The following P4HA2 variants were observed in gnomAD, a reference collection of about 807,000 sequenced individuals.
P4HA2 encodes the protein prolyl 4-hydroxylase subunit alpha-2.
In P4HA2, 46 loss-of-function variants were observed where a neutral mutation model predicts 76.9. That is an observed-to-expected ratio of 0.60 (90% CI 0.47 to 0.76). P4HA2 has a LOEUF of 0.76. P4HA2 is among the 30% of genes least tolerant of loss of function. The pLI is 0.00. For missense variants in P4HA2, 583 were observed against 669.4 expected (o/e 0.87, Z 1.42); for synonymous variants, 243 against 254.0 (o/e 0.96, Z 0.41).
chr5:132,223,751 C>T (rs1159548026), intron 1 of P4HA2, among the ~76,000 whole-genome samples: 2 of 152,182 alleles, frequency 1.3e-5, no homozygotes, highest in African/African-American at 4.8e-5. Context: ...AGATAACTAC[C>T]TCCATTTCAG....
rs1199433283 is a variant in P4HA2, at chr5:132,190,574, T to TA, written c.*2435dup. The stretch of plus-strand genomic sequence containing the variant: ...ATTAAAAGTAGAACTTTACACTTCA[T>TA]ACCACGTATAAAGATAAACCTAAAT... On this transcript the variant is annotated 3_prime_UTR_variant, in exon 15 of 15. Transcript: ENST00000360568. 6.6e-6 allele frequency among the ~76,000 whole-genome samples: 1 copy of TA among 152,234 alleles called. No individual in the cohort carries two copies. The highest frequency in any genetic ancestry group is 1.5e-5 in the Non-Finnish European group (1 of 68,044).
chr5:132,191,279 G>A lies in P4HA2; in HGVS notation c.*1731C>T, dbSNP rs577900093. On this transcript the variant is annotated 3_prime_UTR_variant, in exon 15 of 15. Transcript: ENST00000360568. ...TGTAATCCCAGCACTTTGGGAGGCC[G>A]AGGCGGGCGGATCACGAGGTCAGGA... Among the ~76,000 whole-genome samples, 526 of 152,194 alleles carry A rather than the reference G, an allele frequency of 3.5e-3. 4 individuals carry two copies. Among genetic ancestry groups the A allele is most frequent in the African/African-American group, 0.012 (498 of 41,532 alleles).
intron 8 of P4HA2, 58 bp downstream of exon 8, chr5:132,207,650 A>G: frequency 6.8e-7 from 1 of 1,470,590 alleles, no homozygotes; most frequent in Non-Finnish European, 9.5e-7. Context: ...AGTGCTAGGG[A>G]TGAGAAAAAG....
At chr5:132,212,016 C>T (rs773948034) in intron 5 of P4HA2, among the ~76,000 whole-genome samples, 1 of 152,160 alleles carries the variant, frequency 6.6e-6, no homozygotes, top group Non-Finnish European at 1.5e-5. Flanking sequence ...AGAGCCAACT[C>T]GAATGTCTAC....
intron 5 of P4HA2, among the ~76,000 whole-genome samples, chr5:132,212,439 G>C (rs1012164020): frequency 1.3e-5 from 2 of 152,028 alleles, no homozygotes; most frequent in African/African-American, 4.8e-5. Context: ...GAAGGAGGTA[G>C]AATCCATAGG....
At chr5:132,221,748 G>A in intron 1 of P4HA2, among the ~76,000 whole-genome samples, 1 of 152,132 alleles carries the variant, frequency 6.6e-6, no homozygotes. Context: ...TTTATCATAT[G>A]CTTAAAATGT....
Position 132,193,003 on chromosome 5 carries a change from A to G in P4HA2, c.*7T>C. The G allele has an allele frequency of 6.3e-7, 1 of 1,590,912 alleles. No individual in the cohort carries two copies. The highest frequency in any genetic ancestry group is 8.6e-7 in the Non-Finnish European group (1 of 1,158,836). ...AGGACCAGGAAGGGGAAGGACAGAA[A>G]AGGATGTCAGTCAACTTCTGTTGAT... is the stretch of plus-strand genomic sequence containing the variant. On this transcript the variant is annotated 3_prime_UTR_variant, in exon 15 of 15. Transcript: ENST00000360568.
intron 7 of P4HA2, among the ~76,000 whole-genome samples, chr5:132,208,523 C>G (rs1752576140): frequency 6.6e-6 from 1 of 150,960 alleles, no homozygotes; most frequent in Non-Finnish European, 1.5e-5. Context: ...TGCAATTTTT[C>G]TTCTCTCCCA....
chr5:132,195,395 C>G lies in P4HA2; in HGVS notation c.1434+17G>C, dbSNP rs202049113. On this transcript the variant is annotated intron_variant, in intron 13 of 14. Transcript: ENST00000360568. ...GAGCCTTGCTTCAACCTCTGACCCA[C>G]AAGAATCAGAACTTACCTTCTTAGG... 14 of 1,584,460 alleles carry G rather than the reference C, an allele frequency of 8.8e-6. No individual in the cohort carries two copies. The highest frequency in any genetic ancestry group is 1.2e-5 in the Non-Finnish European group (14 of 1,152,932).
chr5:132,220,594 A>G (rs1754528088), intron 1 of P4HA2, among the ~76,000 whole-genome samples: 2 of 152,192 alleles, frequency 1.3e-5, no homozygotes, highest in Non-Finnish European at 2.9e-5. Flanking sequence ...TTCCTTTCAA[A>G]TCATTCTGCT....
rs540589756 is a variant in P4HA2 at position 132,216,155 on chromosome 5, T to C, written c.331+1042A>G. 7.0e-3 allele frequency among the ~76,000 whole-genome samples: 636 copies of C among 91,308 alleles called. 6 individuals carry two copies. The highest frequency in any genetic ancestry group is 0.027 in the African/African-American group (602 of 22,054). 59.9% of individuals were successfully genotyped at this position (91,308 alleles called of 152,430 possible). A position where few individuals can be genotyped will look rare whatever the true frequency, so the allele number is the denominator to read the frequency against. On this transcript the variant is annotated intron_variant, in intron 4 of 14. Coordinates refer to ENST00000360568, the MANE Select transcript of P4HA2 (RefSeq NM_001017974.2). ...CTCCAGCCTGGTGACAGAGTGAGACTCAGTCTCAAAAAAAAAAAAAAAAAA... is the reference window on the plus strand; with the variant it reads ...CTCCAGCCTGGTGACAGAGTGAGACCCAGTCTCAAAAAAAAAAAAAAAAAA...
chr5:132,214,300 C>G (rs1406916985), intron 4 of P4HA2, among the ~76,000 whole-genome samples: 1 of 152,106 alleles, frequency 6.6e-6, no homozygotes, highest in Non-Finnish European at 1.5e-5. Flanking sequence ...TAGAAGCAGC[C>G]CCCCATATTG....
At chr5:132,218,516 A>C (rs1207372218) in intron 2 of P4HA2, 29 bp downstream of exon 2, 1 of 1,501,250 alleles carries the variant, frequency 6.7e-7, no homozygotes, top group Admixed American at 1.7e-5. Flanking sequence ...CCAAGGTGTC[A>C]GGGAGACGAC....
At chr5:132,219,038 T>C (rs1486322428) in intron 1 of P4HA2, among the ~76,000 whole-genome samples, 1 of 152,164 alleles carries the variant, frequency 6.6e-6, no homozygotes, top group Non-Finnish European at 1.5e-5. Context: ...TTCCAACACA[T>C]ATGCCAGGAC....
At chr5:132,225,049 G>GGAA (rs1646564667) in intron 1 of P4HA2, among the ~76,000 whole-genome samples, 1 of 116,642 alleles carries the variant, frequency 8.6e-6, no homozygotes, top group Non-Finnish European at 1.7e-5. Flanking sequence ...CTGCTCTGAG[G>GGAA]AAAAAAAAAA....
chr5:132,213,902 G>C lies in P4HA2; in HGVS notation c.469+14C>G. 1.2e-6 allele frequency: 2 copies of C among 1,613,518 alleles called. No homozygotes were observed. The highest frequency in any genetic ancestry group is 1.7e-6 in the Non-Finnish European group (2 of 1,179,536). ...ACACATGCGGGACAGGCAACGCCTGGAGTGGTGAGTTACCTGGAAGTTCCC... is the reference window on the plus strand; with the variant it reads ...ACACATGCGGGACAGGCAACGCCTGCAGTGGTGAGTTACCTGGAAGTTCCC... On this transcript the variant is annotated intron_variant, in intron 5 of 14. Transcript: ENST00000360568.
intron 10 of P4HA2, chr5:132,202,655 A>G (rs1462662453): frequency 6.6e-6 from 1 of 152,258 alleles, no homozygotes; most frequent in Non-Finnish European, 1.5e-5. Context: ...TTTGGACTCA[A>G]TACCCAAGAG....
In P4HA2 at chr5:132,213,979, G is replaced by A; in HGVS notation, c.406C>T (p.Leu136=). The change falls in exon 5 of 15, where the codon CTG becomes TTG. Residue 136 remains leucine, a synonymous_variant. Transcript: ENST00000360568. ...CTGTATGTGTCCTGAAGTCTCATCA[G>A]GGCTTTGGCAGCTCCTATCTCGTCC... The part of the protein sequence containing the change: ...DEDEIGAAKA[L]MRLQDTYRLD... 2 of 1,614,172 alleles carry A rather than the reference G, an allele frequency of 1.2e-6. No homozygotes were observed. The highest frequency in any genetic ancestry group is 1.7e-6 in the Non-Finnish European group (2 of 1,179,992).
At chr5:132,203,680 AC>A (rs79217562) in intron 10 of P4HA2, 67 bp downstream of exon 10, 26,007 of 962,536 alleles carry the variant, frequency 0.027, 728 homozygotes, top group East Asian at 0.1. Flanking sequence ...AGTTCTGGAC[AC>A]CCTGTGAGAC....
Sources: allele counts gnomAD v4.1 joint callset (sites outside exome capture counted in the v4.1 genomes callset), GRCh38; gene constraint gnomAD v4.1.1; transcripts MANE v1.5; gene names NCBI Gene and HGNC (gene_info 2026-07-23, HGNC 2026-07-21).